DLG5: variants seen among roughly 807,000 people sequenced by gnomAD.
The protein encoded by DLG5 is discs large MAGUK scaffold protein 5, also known as disks large homolog 5.
Under a neutral mutation model 189.8 loss-of-function variants are expected in DLG5, and 48 were observed. The observed-to-expected ratio is 0.25, with a 90% CI of 0.20 to 0.32. DLG5 has a LOEUF of 0.32. Ranked by LOEUF, DLG5 falls within the 10% of genes least tolerant of loss-of-function variation. DLG5 has a pLI of 1.00. For missense variants in DLG5, 2,160 were observed against 2,544.7 expected, an observed-to-expected ratio of 0.85 and a Z score of 3.25; for synonymous variants, 1,016 against 1,054.1, an observed-to-expected ratio of 0.96 and a Z score of 0.70.
At chr10:77,809,408 C>A in intron 24 of DLG5, 139 bp downstream of exon 24, 3 of 966,412 alleles carry the variant, frequency 3.1e-6, no homozygotes, top group Non-Finnish European at 4.6e-6. Flanking sequence ...TCTGCCTCAA[C>A]AACAACAACA....
intron 1 of DLG5, among the ~76,000 whole-genome samples, chr10:77,875,724 G>T (rs981307271): frequency 1.3e-5 from 2 of 152,104 alleles, no homozygotes; most frequent in Non-Finnish European, 2.9e-5. Flanking sequence ...GGATGCTGGG[G>T]GGACAGAGGG....
chr10:77,794,501 T>C (rs1340774193), intron 30 of DLG5, among the ~76,000 whole-genome samples: 1 of 152,182 alleles, frequency 6.6e-6, no homozygotes, highest in African/African-American at 2.4e-5. Flanking sequence ...AGTGGGACTG[T>C]GCCCAGGCCA....
At chr10:77,837,288 A>C (rs1309675974) in intron 7 of DLG5, among the ~76,000 whole-genome samples, 1 of 151,552 alleles carries the variant, frequency 6.6e-6, no homozygotes, top group Non-Finnish European at 1.5e-5. Context: ...ACTTTGAAAA[A>C]TTTACATTAT....
intron 5 of DLG5, among the ~76,000 whole-genome samples, chr10:77,850,153 A>G (rs1216439294): frequency 6.6e-6 from 1 of 152,196 alleles, no homozygotes; most frequent in Non-Finnish European, 1.5e-5. Context: ...CCACTATCTA[A>G]TTCCAGAACA....
chr10:77,888,201 G>A lies in DLG5; in HGVS notation c.305-19004C>T, dbSNP rs188891698. Among the ~76,000 whole-genome samples, 29 of 152,336 alleles carry A rather than the reference G, an allele frequency of 1.9e-4. No individual in the cohort carries two copies. In the East Asian group the frequency reaches 5.0e-3, roughly 26 times the overall value. ...GGGAGGGCTGTTGGGGAGCACCAGA[G>A]AACAGAGCAAATGCAAAGTGCAGGG... On this transcript the variant is annotated intron_variant, in intron 1 of 31. Coordinates refer to ENST00000372391, the MANE Select transcript of DLG5 (RefSeq NM_004747.4).
At chr10:77,931,511 A>G (rs985944316), upstream of DLG5, among the ~76,000 whole-genome samples, 4 of 151,884 alleles carry the variant, frequency 2.6e-5, no homozygotes, top group South Asian at 2.1e-4. Context: ...TGGCCTCCCA[A>G]CGTGCTGGGA....
intron 27 of DLG5, among the ~76,000 whole-genome samples, chr10:77,797,916 G>C (rs1271603654): frequency 6.6e-6 from 1 of 152,178 alleles, no homozygotes; most frequent in African/African-American, 2.4e-5. Context: ...GCTGGGCATG[G>C]TGGCTCACGT....
chr10:77,938,866 C>T, the DLG5 span, among the ~76,000 whole-genome samples: 2 of 152,156 alleles, frequency 1.3e-5, no homozygotes, highest in Non-Finnish European at 2.9e-5. Context: ...CTGAGAAGTC[C>T]CAGAAGAGCT....
At chr10:77,898,503 T>C (rs1328035349) in intron 1 of DLG5, among the ~76,000 whole-genome samples, 1 of 152,184 alleles carries the variant, frequency 6.6e-6, no homozygotes, top group African/African-American at 2.4e-5. Flanking sequence ...GGCTGGGAGA[T>C]GCTGCATGGC....
At chr10:77,866,999 T>A (rs765312723) in intron 2 of DLG5, 1 of 457,234 alleles carries the variant, frequency 2.2e-6, no homozygotes. Flanking sequence ...TACAGACCCA[T>A]CCTGCTCCAA....
At chr10:77,792,608 A>G in intron 31 of DLG5, 65 bp from the exon 32 acceptor site, 1 of 1,461,052 alleles carries the variant, frequency 6.8e-7, no homozygotes, top group Non-Finnish European at 9.6e-7. Flanking sequence ...GAGGCAAGGC[A>G]GTACAGCTTG....
chr10:77,925,616 A>C (rs981518745), intron 1 of DLG5, among the ~76,000 whole-genome samples: 27 of 152,204 alleles, frequency 1.8e-4, no homozygotes, highest in African/African-American at 6.5e-4. Context: ...GGATTTTCCC[A>C]TGGTGCAATG....
At chr10:77,931,469 C>CA (rs1222297607), upstream of DLG5, among the ~76,000 whole-genome samples, 2 of 151,534 alleles carry the variant, frequency 1.3e-5, no homozygotes, top group African/African-American at 4.9e-5. Flanking sequence ...AGGCTAGGTT[C>CA]AAACTCCTGG....
intron 1 of DLG5, among the ~76,000 whole-genome samples, chr10:77,895,470 G>T (rs1045230332): frequency 3.9e-5 from 6 of 152,216 alleles, no homozygotes; most frequent in African/African-American, 1.4e-4. Flanking sequence ...TCCTGGCAAT[G>T]GTACATTTGA....
In DLG5 at chr10:77,821,483, G is replaced by A. The variant is rs555288016; in HGVS notation, c.3001C>T (p.Pro1001Ser). The A allele has an allele frequency of 1.2e-5, 19 of 1,612,914 alleles. No homozygotes were observed. The highest frequency in any genetic ancestry group is 3.3e-4 in the Middle Eastern group (2 of 6,050). ...GGCCCCGCCCTCTTGGAGGGCTGGG[G>A]AGAGTGAGCAGGCCCAGGACCTGGA... ...LLPGPGPAHS[P>S]QPSKRAGPLT... The change falls in exon 15 of 32, where the codon CCC becomes TCC. Residue 1001 changes from proline to serine, a missense_variant. Pro to Ser is a moderately conservative substitution (Grantham distance 74). Transcript: ENST00000372391.
chr10:77,834,138 G>C, intron 8 of DLG5, 99 bp from the exon 9 acceptor site: 1 of 1,462,516 alleles, frequency 6.8e-7, no homozygotes, highest in African/African-American at 1.4e-5. Context: ...CCAAATACCT[G>C]CCGGCACCTA....
At chr10:77,808,790 T>C (rs567041085) in intron 24 of DLG5, among the ~76,000 whole-genome samples, 24 of 152,318 alleles carry the variant, frequency 1.6e-4, no homozygotes, top group South Asian at 1.0e-3. Context: ...ATTCTGGGTT[T>C]ACAGGGATTA....
intron 8 of DLG5, among the ~76,000 whole-genome samples, chr10:77,834,243 G>A (rs1843015194): frequency 6.6e-6 from 1 of 152,066 alleles, no homozygotes. Context: ...GGAGGACCTG[G>A]GCAGGGAAGA....
intron 3 of DLG5, among the ~76,000 whole-genome samples, chr10:77,854,974 G>A (rs1844162733): frequency 6.6e-6 from 1 of 152,142 alleles, no homozygotes; most frequent in Non-Finnish European, 1.5e-5. Context: ...GGGCAACAGA[G>A]AGGATCCTGT....
Sources: gnomAD v4.1 joint callset for allele counts (sites outside exome capture counted in the v4.1 genomes callset) on GRCh38, gnomAD v4.1.1 for gene constraint, MANE v1.5 for transcripts, NCBI Gene and HGNC (gene_info 2026-07-23, HGNC 2026-07-21) for gene names.